Variants in ADGRB3 observed in about 807,000 individuals in gnomAD.
The protein encoded by ADGRB3 is brain-specific angiogenesis inhibitor 3.
Under a neutral mutation model 193.4 loss-of-function variants are expected in ADGRB3, and 37 were observed. The observed-to-expected ratio is 0.19, with a 90% confidence interval of 0.15 to 0.25. The LOEUF (loss-of-function observed/expected upper bound fraction) is 0.25, where lower values mean the gene tolerates loss of function less well. Ranked by LOEUF, ADGRB3 falls within the 10% of genes least tolerant of loss-of-function variation. The pLI is 1.00. For missense variants in ADGRB3, 1,637 were observed against 1,852.9 expected (o/e 0.88, Z 2.14); for synonymous variants, 690 against 644.2 (o/e 1.07, Z -1.08).
chr6:68,684,396 A>C (rs974168758), intron 3 of ADGRB3, among the ~76,000 whole-genome samples: 1 of 152,186 alleles, frequency 6.6e-6, no homozygotes. Flanking sequence ...TTTAAAGCTC[A>C]ATTTCCATCT....
In ADGRB3 at chr6:68,963,661, A is replaced by T. The variant is rs970109610; in HGVS notation, c.1525+6852A>T. Among the ~76,000 whole-genome samples, 18 of 152,194 alleles carry T rather than the reference A, an allele frequency of 1.2e-4. No homozygotes were observed. The East Asian group carries it at 3.1e-3, about 26-fold the overall frequency. On this transcript the variant is annotated intron_variant, in intron 8 of 31. Transcript: ENST00000370598. The stretch of plus-strand genomic sequence containing the variant: ...TATGGTGCTGTTTGCACTGTTATTC[A>T]CTTGGGCTCCCCTAATGTCCCTGTC...
chr6:68,771,594 C>T (rs1172303859), intron 3 of ADGRB3, among the ~76,000 whole-genome samples: 1 of 151,974 alleles, frequency 6.6e-6, no homozygotes, highest in Non-Finnish European at 1.5e-5. Context: ...GACAATACAG[C>T]AGTAATGAAA....
At chr6:69,291,116 G>A (rs1767655916) in intron 20 of ADGRB3, among the ~76,000 whole-genome samples, 1 of 152,068 alleles carries the variant, frequency 6.6e-6, no homozygotes, top group South Asian at 2.1e-4. Context: ...ATGCTTCTTG[G>A]ATTAATTTTT....
intron 17 of ADGRB3, among the ~76,000 whole-genome samples, chr6:69,221,839 C>T (rs984412825): frequency 2.6e-5 from 4 of 152,154 alleles, no homozygotes; most frequent in African/African-American, 9.6e-5. Flanking sequence ...GCATTTCATG[C>T]CAGAATATAT....
At chr6:68,929,055 C>A (rs569412643) in intron 3 of ADGRB3, among the ~76,000 whole-genome samples, 1 of 152,020 alleles carries the variant, frequency 6.6e-6, no homozygotes, top group Non-Finnish European at 1.5e-5. Context: ...GGTTTAGACA[C>A]CACATACAGC....
At chr6:68,963,192 A>G (rs1474240987) in intron 8 of ADGRB3, among the ~76,000 whole-genome samples, 2 of 152,194 alleles carry the variant, frequency 1.3e-5, no homozygotes, top group African/African-American at 4.8e-5. Flanking sequence ...TATGGAGTCC[A>G]ACAAAGTACC....
chr6:68,828,680 C>A (rs1372848914), intron 3 of ADGRB3, among the ~76,000 whole-genome samples: 2 of 151,970 alleles, frequency 1.3e-5, no homozygotes, highest in Non-Finnish European at 2.9e-5. Context: ...ATTTTCTTGA[C>A]ACTTAGAAGC....
intron 3 of ADGRB3, among the ~76,000 whole-genome samples, chr6:68,745,097 T>A (rs10945139): frequency 0.4 from 60,222 of 151,870 alleles, 12,466 homozygotes; most frequent in East Asian, 0.65. Flanking sequence ...TTGGATACAC[T>A]ACCAGAATAA....
intron 13 of ADGRB3, among the ~76,000 whole-genome samples, chr6:69,038,549 C>T (rs1351898620): frequency 6.6e-6 from 1 of 152,098 alleles, no homozygotes; most frequent in Non-Finnish European, 1.5e-5. Flanking sequence ...ATGAATTCTA[C>T]CACATTTTAT....
intron 3 of ADGRB3, among the ~76,000 whole-genome samples, chr6:68,681,010 T>G (rs1764884650): frequency 6.6e-6 from 1 of 152,126 alleles, no homozygotes; most frequent in Admixed American, 6.5e-5. Context: ...ACCAGAAGCA[T>G]GATATAAGTA....
chr6:69,377,123 C>G (rs1372171142), intron 30 of ADGRB3, among the ~76,000 whole-genome samples: 2 of 152,012 alleles, frequency 1.3e-5, no homozygotes, highest in Admixed American at 6.6e-5. Flanking sequence ...AGCTAAATCC[C>G]TGTAGTGTGC....
At position 68,885,897 on chromosome 6, in the gene ADGRB3, C is replaced by T. The variant is rs181731884; in HGVS notation, c.758-44662C>T. ...TTAGAGTCAAAATCCTAGACTAAGGCAATAAATAGCTTATGTAATGGATAT... is the reference window on the plus strand; with the variant it reads ...TTAGAGTCAAAATCCTAGACTAAGGTAATAAATAGCTTATGTAATGGATAT... On this transcript the variant is annotated intron_variant, in intron 3 of 31. Transcript: ENST00000370598. Among the ~76,000 whole-genome samples the T allele has an allele frequency of 2.2e-4, 34 of 151,680 alleles. No individual in the cohort carries two copies. The East Asian group carries it at 6.2e-3, about 28-fold the overall frequency.
intron 3 of ADGRB3, among the ~76,000 whole-genome samples, chr6:68,857,115 C>G (rs1188026967): frequency 6.6e-6 from 1 of 152,170 alleles, no homozygotes; most frequent in Non-Finnish European, 1.5e-5. Flanking sequence ...ATGGAAATGC[C>G]GGATGACCAG....
chr6:69,322,542 A>C (rs1164063989), intron 20 of ADGRB3, among the ~76,000 whole-genome samples: 1 of 151,966 alleles, frequency 6.6e-6, no homozygotes, highest in Non-Finnish European at 1.5e-5. Flanking sequence ...ACTAATAGCC[A>C]TTCTGACTGA....
chr6:68,895,674 T>A (rs943107732), intron 3 of ADGRB3, among the ~76,000 whole-genome samples: 3 of 152,056 alleles, frequency 2.0e-5, no homozygotes, highest in African/African-American at 7.2e-5. Context: ...TTTTCCAATG[T>A]TTCCTGATGA....
intron 20 of ADGRB3, among the ~76,000 whole-genome samples, chr6:69,289,834 C>T (rs1331145202): frequency 6.6e-6 from 1 of 151,756 alleles, no homozygotes; most frequent in Non-Finnish European, 1.5e-5. Context: ...CACTCTGCCA[C>T]ATCTCGTTTG....
At chr6:68,864,643 T>TA (rs1765241747) in intron 3 of ADGRB3, among the ~76,000 whole-genome samples, 1 of 152,182 alleles carries the variant, frequency 6.6e-6, no homozygotes, top group Non-Finnish European at 1.5e-5. Flanking sequence ...AGGTCTATGT[T>TA]ATGTTTCTGC....
At chr6:69,217,161 T>C (rs779472) in intron 17 of ADGRB3, among the ~76,000 whole-genome samples, 126,729 of 152,080 alleles carry the variant, frequency 0.83, 53,415 homozygotes, top group African/African-American at 0.96. Flanking sequence ...GGCGCAGATG[T>C]CTCACCCAAA....
chr6:69,259,471 G>A (rs1360324472), intron 20 of ADGRB3, among the ~76,000 whole-genome samples: 3 of 151,974 alleles, frequency 2.0e-5, no homozygotes, highest in Non-Finnish European at 2.9e-5. Flanking sequence ...CAAGGTGGGC[G>A]GATCACGAGG....
Sources: gnomAD v4.1 joint callset for allele counts (sites outside exome capture counted in the v4.1 genomes callset) on GRCh38, gnomAD v4.1.1 for gene constraint, MANE v1.5 for transcripts, NCBI Gene and HGNC (gene_info 2026-07-23, HGNC 2026-07-21) for gene names.